SHISA6: variants seen among roughly 807,000 people sequenced by gnomAD.
SHISA6 encodes protein shisa-6.
A neutral mutation model predicts 47.9 loss-of-function variants in SHISA6; 22 were observed. The observed-to-expected ratio is 0.46, with a 90% CI of 0.33 to 0.66. The LOEUF (loss-of-function observed/expected upper bound fraction) is 0.66, where lower values mean the gene tolerates loss of function less well. SHISA6 is among the 30% of genes least tolerant of loss of function. SHISA6 has a pLI of 0.02. For missense variants in SHISA6, 680 were observed against 764.6 expected, an observed-to-expected ratio of 0.89 and a Z score of 1.30; for synonymous variants, 388 against 337.8, an observed-to-expected ratio of 1.15 and a Z score of -1.63.
intron 2 of SHISA6, among the ~76,000 whole-genome samples, chr17:11,325,791 G>A (rs1910862959): frequency 6.6e-6 from 1 of 152,144 alleles, no homozygotes; most frequent in Admixed American, 6.5e-5. Context: ...TTTCTCAGTG[G>A]TACAATGAAG....
chr17:11,374,148 A>G (rs76836912), intron 2 of SHISA6, among the ~76,000 whole-genome samples: 22,272 of 152,120 alleles, frequency 0.15, 1,686 homozygotes, highest in South Asian at 0.24. Flanking sequence ...TACTTGTGAG[A>G]TTGAACACTA....
chr17:11,396,140 A>G (rs1306751115), intron 3 of SHISA6, among the ~76,000 whole-genome samples: 1 of 152,224 alleles, frequency 6.6e-6, no homozygotes. Context: ...ATCTGTAGAG[A>G]TCATCATAGA....
intron 3 of SHISA6, among the ~76,000 whole-genome samples, chr17:11,414,915 G>A (rs773327234): frequency 2.6e-5 from 4 of 151,426 alleles, no homozygotes; most frequent in African/African-American, 4.9e-5. Context: ...GTGAAACCCC[G>A]TCTCTACTAA....
rs139174038 is a variant in SHISA6 at position 11,501,774 on chromosome 17, C to T, written c.896-50122C>T. Among the ~76,000 whole-genome samples, 129 of 152,068 alleles carry T rather than the reference C, an allele frequency of 8.5e-4. 1 individual carries two copies. The East Asian group carries it at 0.022, about 26-fold the overall frequency. On this transcript the variant is annotated intron_variant, in intron 3 of 5. Transcript: ENST00000441885. ...GAGATATTTAGAGAAAAAGAGCCTC[C>T]GGTGACACACTCCCCAGGGTGCCAG...
intron 3 of SHISA6, among the ~76,000 whole-genome samples, chr17:11,501,354 C>T (rs1463456988): frequency 6.6e-6 from 1 of 152,106 alleles, no homozygotes; most frequent in Middle Eastern, 3.2e-3. Flanking sequence ...TCAGGTGATC[C>T]ACCCGCCTCA....
intron 2 of SHISA6, among the ~76,000 whole-genome samples, chr17:11,309,818 A>G (rs1411365579): frequency 6.6e-6 from 1 of 152,168 alleles, no homozygotes; most frequent in Non-Finnish European, 1.5e-5. Context: ...TCTGTGCTTT[A>G]TCTTGATTTT....
At position 11,541,209 on chromosome 17, in the gene SHISA6, G is replaced by A. The variant is rs138037044; in HGVS notation, c.896-10687G>A. Among the ~76,000 whole-genome samples the A allele has an allele frequency of 2.5e-3, 386 of 152,282 alleles. 1 individual carries two copies. Among genetic ancestry groups the A allele is most frequent in the African/African-American group, 8.8e-3 (367 of 41,558 alleles). ...GAAACCCAGCTGCTCTGGGTGAGGC[G>A]GAGGTCAGGTGAGTAGGAGGAATGC... is the stretch of plus-strand genomic sequence containing the variant. On this transcript the variant is annotated intron_variant, in intron 3 of 5. Transcript: ENST00000441885.
intron 3 of SHISA6, among the ~76,000 whole-genome samples, chr17:11,486,915 G>C (rs1220439706): frequency 6.6e-6 from 1 of 152,192 alleles, no homozygotes; most frequent in African/African-American, 2.4e-5. Context: ...CTAGCCCGGG[G>C]GTCTGCCAGC....
chr17:11,375,737 T>C (rs1912777245), intron 2 of SHISA6, among the ~76,000 whole-genome samples: 1 of 152,132 alleles, frequency 6.6e-6, no homozygotes, highest in Non-Finnish European at 1.5e-5. Flanking sequence ...TGAATTGTGC[T>C]GAGATTTGGG....
At chr17:11,476,098 A>G (rs1194380899) in intron 3 of SHISA6, among the ~76,000 whole-genome samples, 2 of 151,914 alleles carry the variant, frequency 1.3e-5, no homozygotes, top group Non-Finnish European at 2.9e-5. Context: ...CTTCTTTATT[A>G]TTCTGTTAAC....
rs557171714 is a variant in SHISA6 at position 11,562,555 on chromosome 17, A to T, written c.*4251A>T. ...CATGTCTTCCTGGGCTCTATATTTG[A>T]TTTTGGAAGGCAGCATACTCTAGGA... is the stretch of plus-strand genomic sequence containing the variant. On this transcript the variant is annotated 3_prime_UTR_variant, in exon 6 of 6. Transcript: ENST00000441885. 1 of 152,028 alleles carries T rather than the reference A, an allele frequency of 6.6e-6. No individual in the cohort carries two copies. Among genetic ancestry groups the T allele is most frequent in the Non-Finnish European group, 1.5e-5 (1 of 68,012 alleles). 9.4% of individuals were successfully genotyped at this position (152,028 alleles called of 1,614,324 possible).
chr17:11,378,039 A>G (rs1912869244), intron 2 of SHISA6, among the ~76,000 whole-genome samples: 1 of 152,188 alleles, frequency 6.6e-6, no homozygotes, highest in Non-Finnish European at 1.5e-5. Context: ...TGTCTGTTCT[A>G]ATGCTCTCCT....
At chr17:11,512,980 T>C (rs2071553689) in intron 3 of SHISA6, among the ~76,000 whole-genome samples, 1 of 152,142 alleles carries the variant, frequency 6.6e-6, no homozygotes, top group Non-Finnish European at 1.5e-5. Flanking sequence ...TAGGATCTAT[T>C]GCCTTTTAAT....
intron 3 of SHISA6, among the ~76,000 whole-genome samples, chr17:11,381,374 T>C (rs1013695282): frequency 2.0e-5 from 3 of 152,354 alleles, no homozygotes; most frequent in Non-Finnish European, 2.9e-5. Flanking sequence ...TTAGAAGTTA[T>C]GGAGTTTATG....
intron 2 of SHISA6, among the ~76,000 whole-genome samples, chr17:11,293,578 T>C (rs936318202): frequency 2.0e-5 from 3 of 152,118 alleles, no homozygotes; most frequent in Non-Finnish European, 4.4e-5. Flanking sequence ...CATTTAGCAC[T>C]GACACCCAGA....
At chr17:11,538,357 G>A (rs1567633430) in intron 3 of SHISA6, among the ~76,000 whole-genome samples, 1 of 152,128 alleles carries the variant, frequency 6.6e-6, no homozygotes, top group Non-Finnish European at 1.5e-5. Flanking sequence ...CACCACATCC[G>A]ACCTACCTGA....
chr17:11,361,341 G>A (rs1366040737), intron 2 of SHISA6, among the ~76,000 whole-genome samples: 1 of 152,040 alleles, frequency 6.6e-6, no homozygotes, highest in Non-Finnish European at 1.5e-5. Context: ...CTATTGCCAT[G>A]CATTTTTAAA....
chr17:11,549,008 G>A (rs768560466), intron 3 of SHISA6, among the ~76,000 whole-genome samples: 7 of 152,102 alleles, frequency 4.6e-5, no homozygotes, highest in Non-Finnish European at 7.4e-5. Context: ...TGGTTTCATC[G>A]CTTTTACTAC....
At chr17:11,286,144 A>G (rs1176811519) in intron 2 of SHISA6, among the ~76,000 whole-genome samples, 1 of 152,008 alleles carries the variant, frequency 6.6e-6, no homozygotes, top group Non-Finnish European at 1.5e-5. Context: ...AGCAGGAATG[A>G]GTGTGCCTGC....
Sources: allele counts gnomAD v4.1 joint callset (sites outside exome capture counted in the v4.1 genomes callset), GRCh38; gene constraint gnomAD v4.1.1; transcripts MANE v1.5; gene names NCBI Gene and HGNC (gene_info 2026-07-23, HGNC 2026-07-21).